Variants in MAP1B observed in about 807,000 individuals in gnomAD.
MAP1B encodes microtubule associated protein 1B, also known as microtubule-associated protein 1B.
MAP1B carries 12 observed loss-of-function variants against 176.1 expected under a neutral mutation model. The observed-to-expected ratio is 0.07, with a 90% CI of 0.04 to 0.11. The LOEUF is 0.11. MAP1B is among the 10% of genes least tolerant of loss of function. The pLI, the probability that MAP1B is intolerant of heterozygous loss-of-function variation, is 1.00. For synonymous variants in MAP1B, 1,044 were observed against 1,135.0 expected (o/e 0.92, Z 1.61); for missense variants, 2,523 against 2,990.5 (o/e 0.84, Z 3.65).
chr5:72,195,854 T>A lies in MAP1B; in HGVS notation c.2499T>A (p.Pro833=). 6.2e-7 allele frequency: 1 copy of A among 1,614,224 alleles called. No homozygotes were observed. Among genetic ancestry groups the A allele is most frequent in the Non-Finnish European group, 8.5e-7 (1 of 1,180,028 alleles). The change falls in exon 5 of 7, where the codon CCT becomes CCA. Residue 833 remains proline (P), a synonymous_variant. Transcript: ENST00000296755. ...LEAERSLMSS[P]EDLTKDFEEL... ...CTGAGAGGTCCCTTATGTCATCTCC[T>A]GAGGATCTAACCAAGGACTTTGAAG...
rs3805452 is a variant in MAP1B, at chr5:72,199,214, T to C, written c.5859T>C (p.Gly1953=). 0.26 allele frequency: 426,598 copies of C among 1,613,658 alleles called. 60,390 individuals carry two copies. Among genetic ancestry groups the C allele is most frequent in the East Asian group, 0.58 (25,981 of 44,860 alleles). ...AGACCACACGGACCCCTGAAGAGGGTGGGTACTCATATGACATAAGTGAAA... is the reference window on the plus strand; with the variant it reads ...AGACCACACGGACCCCTGAAGAGGGCGGGTACTCATATGACATAAGTGAAA... The part of the protein sequence containing the change: ...IEKTTRTPEE[G]GYSYDISEKT... Residue 1953 remains glycine, a synonymous_variant, in exon 5 of 7, where the codon GGT becomes GGC. Coordinates refer to ENST00000296755, the MANE Select transcript of MAP1B (RefSeq NM_005909.5). This position sits in a 1 kb window ranked among gnomAD's most constrained non-coding sequence, Gnocchi z 4.2.
intron 1 of MAP1B, among the ~76,000 whole-genome samples, chr5:72,108,486 G>A (rs1004216933): frequency 6.6e-5 from 10 of 152,348 alleles, no homozygotes; most frequent in Non-Finnish European, 1.2e-4. Context: ...GGTCGGTGAG[G>A]GAGACGTCAG....
chr5:72,177,028 G>C (rs1166236576), intron 2 of MAP1B, among the ~76,000 whole-genome samples: 1 of 152,182 alleles, frequency 6.6e-6, no homozygotes, highest in Non-Finnish European at 1.5e-5. Context: ...TTTCTGTGCT[G>C]ATGCTATTGG....
intron 2 of MAP1B, among the ~76,000 whole-genome samples, chr5:72,129,681 C>T (rs1417877984): frequency 2.0e-5 from 3 of 152,160 alleles, no homozygotes; most frequent in Non-Finnish European, 2.9e-5. Context: ...GCTGCAGTCA[C>T]CTATTTCCCA....
At position 72,155,633 on chromosome 5, in the gene MAP1B, C is replaced by T. The variant is rs577780688; in HGVS notation, c.287-28110C>T. Among the ~76,000 whole-genome samples the T allele has an allele frequency of 3.9e-5, 6 of 152,270 alleles. No individual in the cohort carries two copies. The East Asian group carries it at 9.6e-4, about 24-fold the overall frequency. The stretch of plus-strand genomic sequence containing the variant: ...AGTCAGGAGAGTGGTGATGTTCTGA[C>T]TGGTAGGGGCTGTTTTTGAAATATT... On this transcript the variant is annotated intron_variant, in intron 2 of 6. Coordinates refer to ENST00000296755, the MANE Select transcript of MAP1B (RefSeq NM_005909.5).
Position 72,195,148 on chromosome 5 carries a change from C to A in MAP1B, c.1793C>A (p.Thr598Asn), listed in dbSNP as rs1747125701. 3 of 1,613,492 alleles carry A rather than the reference C, an allele frequency of 1.9e-6. No homozygotes were observed. The highest frequency in any genetic ancestry group is 2.2e-5 in the East Asian group (1 of 44,844). Residue 598 changes from threonine to asparagine, a missense_variant, in exon 5 of 7, where the codon ACC (threonine) becomes AAC (asparagine). Thr to Asn is a moderately conservative substitution (Grantham distance 65, BLOSUM62 0). Around this residue, in one of 4 missense-constraint regions of MAP1B, gnomAD observed 1,925 missense variants for 2,126.0 expected, o/e 0.91. Transcript: ENST00000296755. The stretch of plus-strand genomic sequence containing the variant: ...AAAGACAAGCCAATAAAAACAGAGA[C>A]CAAACCTTCAGTGACTGAAAAGGAG... Reference protein sequence around the residue: ...VKKDKPIKTETKPSVTEKEVP... With the variant: ...VKKDKPIKTENKPSVTEKEVP...
Position 72,200,279 on chromosome 5 carries a change from C to G in MAP1B, c.6924C>G (p.Val2308=). Residue 2308 remains valine (V), a synonymous_variant, in exon 5 of 7, where the codon GTC becomes GTG. Coordinates refer to ENST00000296755, the MANE Select transcript of MAP1B (RefSeq NM_005909.5). The part of the protein sequence containing the change: ...KAAKPTTTPE[V]KAARGEEKDK... Reference sequence around the variant, plus strand: ...CAAAACCCACCACCACTCCTGAGGTCAAAGCTGCACGTGGGGAAGAGAAAG... The same window carrying G: ...CAAAACCCACCACCACTCCTGAGGTGAAAGCTGCACGTGGGGAAGAGAAAG... 1 of 1,614,198 alleles carries G rather than the reference C, an allele frequency of 6.2e-7. No individual in the cohort carries two copies. The highest frequency in any genetic ancestry group is 8.5e-7 in the Non-Finnish European group (1 of 1,180,034).
chr5:72,161,445 A>G (rs1205038371), intron 2 of MAP1B, among the ~76,000 whole-genome samples: 1 of 152,194 alleles, frequency 6.6e-6, no homozygotes, highest in Non-Finnish European at 1.5e-5. Flanking sequence ...AACAAATGAA[A>G]AATACTGCTC....
At chr5:72,170,714 C>T (rs1746519261) in intron 2 of MAP1B, among the ~76,000 whole-genome samples, 1 of 152,140 alleles carries the variant, frequency 6.6e-6, no homozygotes, top group Non-Finnish European at 1.5e-5. Flanking sequence ...AATCCCAGCA[C>T]TCTGGGAGGC....
At position 72,195,295 on chromosome 5, in the gene MAP1B, A is replaced by G. The variant is rs762486402; in HGVS notation, c.1940A>G (p.Glu647Gly). Reference protein sequence around the residue: ...TVKKETKVKPEDKKEEKEKPK... With the variant: ...TVKKETKVKPGDKKEEKEKPK... ...AAAAAGGAAACAAAGGTAAAGCCTGAAGACAAGAAAGAGGAGAAAGAAAAG... is the reference window on the plus strand; with the variant it reads ...AAAAAGGAAACAAAGGTAAAGCCTGGAGACAAGAAAGAGGAGAAAGAAAAG... Residue 647 changes from glutamate (E) to glycine (G), a missense_variant, in exon 5 of 7, where the codon GAA (glutamate) becomes GGA (glycine). By Grantham distance (98) the Glu-to-Gly change is moderately conservative. Around this residue, in one of 4 missense-constraint regions of MAP1B, gnomAD observed 1,925 missense variants for 2,126.0 expected, o/e 0.91. Coordinates refer to ENST00000296755, the MANE Select transcript of MAP1B (RefSeq NM_005909.5). 6.2e-7 allele frequency: 1 copy of G among 1,612,990 alleles called. No homozygotes were observed. Among genetic ancestry groups the G allele is most frequent in the Non-Finnish European group, 8.5e-7 (1 of 1,179,692 alleles).
intron 2 of MAP1B, chr5:72,179,738 C>T (rs1302872954): frequency 1.0e-6 from 1 of 985,320 alleles, no homozygotes; most frequent in Non-Finnish European, 1.2e-6. Flanking sequence ...AAATCCCCTC[C>T]TTCATTCAAA....
In MAP1B at chr5:72,183,671, G is replaced by A. The variant is rs1746830199; in HGVS notation, c.287-72G>A. On this transcript the variant is annotated intron_variant, in intron 2 of 6. Coordinates refer to ENST00000296755, the MANE Select transcript of MAP1B (RefSeq NM_005909.5). ...AGGCAGAAATTCCTCTGCTGTCCCAGGAGCAGGCAGGGCAGTTTTTATCTG... is the reference window on the plus strand; with the variant it reads ...AGGCAGAAATTCCTCTGCTGTCCCAAGAGCAGGCAGGGCAGTTTTTATCTG... 17 of 1,091,214 alleles carry A rather than the reference G, an allele frequency of 1.6e-5. No homozygotes were observed. The East Asian group carries it at 3.8e-4, about 24-fold the overall frequency. 67.6% of individuals were successfully genotyped at this position (1,091,214 alleles called of 1,614,324 possible).
intron 3 of MAP1B, among the ~76,000 whole-genome samples, chr5:72,184,782 T>A (rs563580943): frequency 1.8e-4 from 28 of 152,370 alleles, no homozygotes; most frequent in African/African-American, 3.8e-4. Context: ...ACCCACACTT[T>A]GAGCATCTCT....
Position 72,107,722 on chromosome 5 carries a change from GGCCCCGCGCCCCCAGAGACGC to G in MAP1B, c.184+10_184+30del. The G allele has an allele frequency of 3.8e-6, 6 of 1,598,404 alleles. No individual in the cohort carries two copies. Among genetic ancestry groups the G allele is most frequent in the Non-Finnish European group, 5.1e-6 (6 of 1,179,396 alleles). ...ATCGGCAACATCGAGCTCGGTAAGT[GGCCCCGCGCCCCCAGAGACGC>G]GCGCTGGGAGACGCGCAAACACGAC... is the stretch of plus-strand genomic sequence containing the variant. On this transcript the variant is annotated splice_region_variant and intron_variant, in intron 1 of 6. Coordinates refer to ENST00000296755, the MANE Select transcript of MAP1B (RefSeq NM_005909.5).
rs1328401846 is a variant in MAP1B at position 72,208,991 on chromosome 5, A to G, written c.*3752A>G. 6.6e-6 allele frequency: 1 copy of G among 152,244 alleles called. No homozygotes were observed. Among genetic ancestry groups the G allele is most frequent in the Non-Finnish European group, 1.5e-5 (1 of 68,040 alleles). 9.4% of individuals were successfully genotyped at this position (152,244 alleles called of 1,614,324 possible). A position where few individuals can be genotyped will look rare whatever the true frequency, so the allele number is the denominator to read the frequency against. ...TTTAACCAACTGAACAATACACCAA[A>G]AGCAGCCTAGGGATGAGCATTTCTT... On this transcript the variant is annotated 3_prime_UTR_variant, in exon 7 of 7. Coordinates refer to ENST00000296755, the MANE Select transcript of MAP1B (RefSeq NM_005909.5).
intron 1 of MAP1B, 26 bp downstream of exon 1, chr5:72,107,741 C>G (rs1443350458): frequency 6.3e-7 from 1 of 1,596,008 alleles, no homozygotes; most frequent in Non-Finnish European, 8.5e-7. Context: ...CCCCCAGAGA[C>G]GCGCGCTGGG....
At chr5:72,124,862 C>G (rs116669399) in intron 2 of MAP1B, among the ~76,000 whole-genome samples, 2 of 152,204 alleles carry the variant, frequency 1.3e-5, no homozygotes, top group African/African-American at 4.8e-5. Flanking sequence ...GTGCACCTGG[C>G]CCCAGGAACA....
chr5:72,179,005 C>T (rs1746709849), intron 2 of MAP1B, among the ~76,000 whole-genome samples: 1 of 152,068 alleles, frequency 6.6e-6, no homozygotes, highest in South Asian at 2.1e-4. Flanking sequence ...TTTTGAGTTC[C>T]AAACCCAGCT....
chr5:72,172,968 A>G (rs909442353), intron 2 of MAP1B, among the ~76,000 whole-genome samples: 1 of 152,170 alleles, frequency 6.6e-6, no homozygotes, highest in African/African-American at 2.4e-5. Flanking sequence ...TCCCTTTAGA[A>G]TAGCTTATTA....
Sources: gnomAD v4.1 joint callset for allele counts (sites outside exome capture counted in the v4.1 genomes callset) on GRCh38, gnomAD v4.1.1 for gene constraint, gnomAD v4.1.1 regional missense constraint, Gnocchi (gnomAD v3.1) non-coding constraint, MANE v1.5 for transcripts, NCBI Gene and HGNC (gene_info 2026-07-23, HGNC 2026-07-21) for gene names.